KCNH1: variants seen among roughly 807,000 people sequenced by gnomAD.
KCNH1 encodes potassium voltage-gated channel subfamily H member 1.
KCNH1 carries 27 observed loss-of-function variants against 69.2 expected under a neutral mutation model. The observed-to-expected ratio is 0.39, with a 90% confidence interval of 0.29 to 0.54. The LOEUF is 0.54. Ranked by LOEUF, KCNH1 falls within the 20% of genes least tolerant of loss-of-function variation. KCNH1 has a pLI of 0.68. For missense variants in KCNH1, 798 were observed against 1,261.6 expected (o/e 0.63, Z 5.57); for synonymous variants, 456 against 487.7 (o/e 0.93, Z 0.86).
At chr1:211,007,081 GA>G (rs1487445200) in intron 6 of KCNH1, among the ~76,000 whole-genome samples, 1 of 152,136 alleles carries the variant, frequency 6.6e-6, no homozygotes, top group Non-Finnish European at 1.5e-5. Context: ...AAACTGAAAT[GA>G]AAAATTGGAA....
intron 5 of KCNH1, among the ~76,000 whole-genome samples, chr1:211,050,755 A>G (rs1217542038): frequency 6.6e-6 from 1 of 152,202 alleles, no homozygotes; most frequent in East Asian, 1.9e-4. Context: ...AGTCATGAAT[A>G]GTTTTCCATT....
chr1:210,850,038 C>T (rs931376090), intron 7 of KCNH1, among the ~76,000 whole-genome samples: 2 of 152,018 alleles, frequency 1.3e-5, no homozygotes, highest in South Asian at 2.1e-4. Context: ...GCATCTCCTT[C>T]GTGACCAAAA....
intron 10 of KCNH1, among the ~76,000 whole-genome samples, chr1:210,740,704 A>ATTTTTTTTTTTTTTTTTTTTTTTTTTTT (rs199727493): frequency 8.5e-6 from 1 of 117,264 alleles, no homozygotes; most frequent in African/African-American, 3.4e-5. Flanking sequence ...TTATGATTAA[A>ATTTTTTTTTTTTTTTTTTTTTTTTTTTT]TTTTTTTTTT....
chr1:210,896,285 G>A (rs1432448186), intron 7 of KCNH1, among the ~76,000 whole-genome samples: 2 of 151,852 alleles, frequency 1.3e-5, no homozygotes, highest in Non-Finnish European at 2.9e-5. Flanking sequence ...TGTCATCAAT[G>A]TACGGGATCT....
intron 10 of KCNH1, among the ~76,000 whole-genome samples, chr1:210,767,708 C>T (rs1326724135): frequency 6.6e-6 from 1 of 152,134 alleles, no homozygotes; most frequent in African/African-American, 2.4e-5. Flanking sequence ...GATCCATTAG[C>T]ACTACCCTTA....
chr1:210,735,357 G>T (rs1262944546), intron 10 of KCNH1, among the ~76,000 whole-genome samples: 1 of 151,774 alleles, frequency 6.6e-6, no homozygotes, highest in African/African-American at 2.4e-5. Flanking sequence ...ATTCATCTCT[G>T]TATGTCTTTT....
At chr1:210,717,107 A>G (rs1047814227) in intron 10 of KCNH1, among the ~76,000 whole-genome samples, 4 of 152,196 alleles carry the variant, frequency 2.6e-5, no homozygotes, top group African/African-American at 9.7e-5. Context: ...GCCTCCCAGG[A>G]AGCCTCTGGG....
At chr1:210,769,160 CA>C (rs953759839) in intron 10 of KCNH1, among the ~76,000 whole-genome samples, 12 of 152,150 alleles carry the variant, frequency 7.9e-5, no homozygotes, top group African/African-American at 2.4e-4. Context: ...TATGATGACT[CA>C]GGGGGGAAGT....
At chr1:211,103,223 T>C (rs947262080) in intron 3 of KCNH1, among the ~76,000 whole-genome samples, 5 of 152,192 alleles carry the variant, frequency 3.3e-5, no homozygotes, top group African/African-American at 9.7e-5. Context: ...ACTCACCATA[T>C]GTAAACCAAT....
chr1:211,042,785 T>A (rs911744920), intron 5 of KCNH1, among the ~76,000 whole-genome samples: 1 of 152,060 alleles, frequency 6.6e-6, no homozygotes, highest in Admixed American at 6.6e-5. Flanking sequence ...CAGACCACAG[T>A]GGAATAAAAC....
At chr1:211,109,863 T>A (rs1691425481) in intron 1 of KCNH1, among the ~76,000 whole-genome samples, 1 of 151,370 alleles carries the variant, frequency 6.6e-6, no homozygotes, top group South Asian at 2.1e-4. Flanking sequence ...TCAAGAAGTA[T>A]TACATCCACA....
chr1:211,065,743 T>C (rs1690517979), intron 5 of KCNH1, among the ~76,000 whole-genome samples: 1 of 152,080 alleles, frequency 6.6e-6, no homozygotes, highest in South Asian at 2.1e-4. Flanking sequence ...ACATAATAAA[T>C]ATATATAATT....
chr1:211,059,892 A>C (rs1249559196), intron 5 of KCNH1, among the ~76,000 whole-genome samples: 1 of 152,212 alleles, frequency 6.6e-6, no homozygotes, highest in Non-Finnish European at 1.5e-5. Context: ...GACCTAACAA[A>C]TGTTTACAAA....
At chr1:211,017,787 AT>A (rs1017232146) in intron 6 of KCNH1, among the ~76,000 whole-genome samples, 75 of 152,264 alleles carry the variant, frequency 4.9e-4, no homozygotes, top group African/African-American at 1.7e-3. Context: ...GCTTCCTTTA[AT>A]TTCATCCATT....
intron 10 of KCNH1, among the ~76,000 whole-genome samples, chr1:210,723,259 G>A (rs2149027628): frequency 6.6e-6 from 1 of 152,134 alleles, no homozygotes; most frequent in Middle Eastern, 3.4e-3. Flanking sequence ...ATGTTATATA[G>A]AGTAAAATTG....
rs2102371961 is a variant in KCNH1 at position 210,775,428 on chromosome 1, G to T, written c.2032C>A (p.Gln678Lys). ...GCCGTGTAGAATTCCAGCACTTTCT[G>T]CAGGGCATCCCGCTTGATCACATGC... Reference protein sequence around the residue: ...DLHVIKRDALQKVLEFYTAFS... With the variant: ...DLHVIKRDALKKVLEFYTAFS... Residue 678 changes from glutamine (Q) to lysine (K), a missense_variant, in exon 10 of 11, where the codon CAG (glutamine) becomes AAG (lysine). Transcript: ENST00000271751. The T allele has an allele frequency of 1.2e-6, 2 of 1,614,128 alleles. No homozygotes were observed. The highest frequency in any genetic ancestry group is 1.7e-6 in the Non-Finnish European group (2 of 1,179,992).
chr1:210,998,639 A>T (rs566097129), intron 6 of KCNH1, among the ~76,000 whole-genome samples: 1 of 152,326 alleles, frequency 6.6e-6, no homozygotes, highest in Admixed American at 6.5e-5. Context: ...CAGGAATTGA[A>T]CTCAGCTCTG....
chr1:210,726,913 AC>A (rs1311834155), intron 10 of KCNH1, among the ~76,000 whole-genome samples: 1 of 151,970 alleles, frequency 6.6e-6, no homozygotes, highest in Non-Finnish European at 1.5e-5. Context: ...GGGTATGGAA[AC>A]CCTTCCCATG....
chr1:211,074,310 T>TAA (rs2102460285), intron 5 of KCNH1, among the ~76,000 whole-genome samples: 1 of 151,630 alleles, frequency 6.6e-6, no homozygotes, highest in South Asian at 2.1e-4. Context: ...TATATATATA[T>TAA]AATACTATTA....
Sources: gnomAD v4.1 joint callset for allele counts (sites outside exome capture counted in the v4.1 genomes callset) on GRCh38, gnomAD v4.1.1 for gene constraint, MANE v1.5 for transcripts, NCBI Gene and HGNC (gene_info 2026-07-23, HGNC 2026-07-21) for gene names.